Variants in DYRK1A observed in about 807,000 individuals in gnomAD.
The protein encoded by DYRK1A is dual specificity tyrosine phosphorylation regulated kinase 1A.
Under a neutral mutation model 79.7 loss-of-function variants are expected in DYRK1A, and 9 were observed. That is an observed-to-expected ratio of 0.11 (90% CI 0.07 to 0.20). The LOEUF is 0.20. Ranked by LOEUF, DYRK1A falls within the 10% of genes least tolerant of loss-of-function variation. The pLI is 1.00. For synonymous variants in DYRK1A, 349 were observed against 329.7 expected (o/e 1.06, Z -0.63); for missense variants, 622 against 956.0 (o/e 0.65, Z 4.61).
intron 1 of DYRK1A, among the ~76,000 whole-genome samples, chr21:37,382,409 C>T (rs2049675737): frequency 6.6e-6 from 1 of 151,888 alleles, no homozygotes; most frequent in Non-Finnish European, 1.5e-5. Context: ...TAAAGGAAAA[C>T]CTGGCTTGTG....
At position 37,389,588 on chromosome 21, in the gene DYRK1A, T is replaced by C. The variant is rs78414387; in HGVS notation, c.-77+21960T>C. Among the ~76,000 whole-genome samples the C allele has an allele frequency of 0.016, 2,447 of 152,318 alleles. 150 individuals are homozygous for C. In the East Asian group the frequency reaches 0.21, roughly 13 times the overall value. ...AGTTTCCTCTGGATTCCTGTTTCTC[T>C]GCTTGTTTTGGTTTCTTTCCTTGAT... On this transcript the variant is annotated intron_variant, in intron 1 of 11. Transcript: ENST00000647188.
intron 1 of DYRK1A, among the ~76,000 whole-genome samples, chr21:37,402,886 C>T (rs1261173316): frequency 1.3e-5 from 2 of 152,116 alleles, no homozygotes. Context: ...CCTTAGCCTC[C>T]CAAGTAGCTG....
In DYRK1A at chr21:37,426,486, C is replaced by T. The variant is rs564102900; in HGVS notation, c.10+6102C>T. Among the ~76,000 whole-genome samples the T allele has an allele frequency of 7.8e-4, 118 of 151,986 alleles. 1 individual carries two copies. The highest frequency in any genetic ancestry group is 1.5e-3 in the Non-Finnish European group (100 of 67,998). ...AGAAAATGATACAAACACTAAAGCA[C>T]AATGTAAATCTGAATAAGGAAAAAT... is the stretch of plus-strand genomic sequence containing the variant. On this transcript the variant is annotated intron_variant, in intron 2 of 11. Coordinates refer to ENST00000647188, the MANE Select transcript of DYRK1A (RefSeq NM_001347721.2).
chr21:37,525,865 G>A lies in DYRK1A; in HGVS notation c.*13334G>A, dbSNP rs141530703. ...ATTTAAGTTTTGAGCTCAGGACAAA[G>A]ATTGAAATTTTTCTGAATGAGAACT... On this transcript the variant is annotated 3_prime_UTR_variant, in exon 12 of 12. Transcript: ENST00000647188. The A allele has an allele frequency of 5.8e-4, 88 of 152,282 alleles. No individual in the cohort carries two copies. The highest frequency in any genetic ancestry group is 1.9e-3 in the African/African-American group (80 of 41,556). The allele number at this position is 152,282 out of a possible 1,614,324, so 9.4% of individuals were successfully genotyped here.
chr21:37,445,363 A>G lies in DYRK1A; in HGVS notation c.10+24979A>G, dbSNP rs553513380. The stretch of plus-strand genomic sequence containing the variant: ...TCTGTTAGATGCCAGGAGGTTTAAG[A>G]TGATGAGGAATGTTTCGGAAAATAA... On this transcript the variant is annotated intron_variant, in intron 2 of 11. Transcript: ENST00000647188. Among the ~76,000 whole-genome samples the G allele has an allele frequency of 4.6e-5, 7 of 152,332 alleles. No individual in the cohort carries two copies. In the South Asian group the frequency reaches 1.4e-3, roughly 32 times the overall value.
At chr21:37,378,558 T>G (rs2049594485) in intron 1 of DYRK1A, among the ~76,000 whole-genome samples, 1 of 152,138 alleles carries the variant, frequency 6.6e-6, no homozygotes, top group Non-Finnish European at 1.5e-5. Flanking sequence ...AAGTATTTTT[T>G]GGGTTCCCTT....
intron 2 of DYRK1A, among the ~76,000 whole-genome samples, chr21:37,471,354 A>G (rs2052218417): frequency 1.3e-5 from 2 of 152,176 alleles, no homozygotes; most frequent in Non-Finnish European, 1.5e-5. Flanking sequence ...TGTGGTGGAA[A>G]GTAGAGGTGG....
At position 37,525,670 on chromosome 21, in the gene DYRK1A, T is replaced by G. The variant is rs1447065405; in HGVS notation, c.*13139T>G. Reference sequence around the variant, plus strand: ...GTCAACAGATACTTTGTGAGAAATATTTGAATCTATCATGCATTATTGAAC... The same window carrying G: ...GTCAACAGATACTTTGTGAGAAATAGTTGAATCTATCATGCATTATTGAAC... On this transcript the variant is annotated 3_prime_UTR_variant, in exon 12 of 12. Coordinates refer to ENST00000647188, the MANE Select transcript of DYRK1A (RefSeq NM_001347721.2). 1.3e-5 allele frequency: 2 copies of G among 152,248 alleles called. No homozygotes were observed. The highest frequency in any genetic ancestry group is 4.8e-5 in the African/African-American group (2 of 41,466). 9.4% of individuals were successfully genotyped at this position (152,248 alleles called of 1,614,324 possible). A position where few individuals can be genotyped will look rare whatever the true frequency, so the allele number is the denominator to read the frequency against.
rs2053913442 is a variant in DYRK1A at position 37,519,479 on chromosome 21, G to C, written c.*6948G>C. On this transcript the variant is annotated 3_prime_UTR_variant, in exon 12 of 12. Transcript: ENST00000647188. ...AAGCACAATGCCTAGTATGTAGAAA[G>C]TGTCCGATAAATATAATATGCGGCT... 2 of 152,266 alleles carry C rather than the reference G, an allele frequency of 1.3e-5. No individual in the cohort carries two copies. Among genetic ancestry groups the C allele is most frequent in the South Asian group, 4.1e-4 (2 of 4,838 alleles). 9.4% of individuals were successfully genotyped at this position (152,266 alleles called of 1,614,324 possible).
At chr21:37,376,634 A>G (rs191661507) in intron 1 of DYRK1A, among the ~76,000 whole-genome samples, 1 of 152,214 alleles carries the variant, frequency 6.6e-6, no homozygotes, top group East Asian at 1.9e-4. Context: ...GAGTGTTGGT[A>G]ATGGCACTGT....
chr21:37,496,282 T>G (rs1420911216), intron 9 of DYRK1A, 24 bp downstream of exon 9: 6 of 1,585,696 alleles, frequency 3.8e-6, no homozygotes, highest in Middle Eastern at 1.7e-4. Context: ...ATATCTGTTT[T>G]GAGCCTTTAT....
chr21:37,406,608 A>C (rs963994699), intron 1 of DYRK1A, among the ~76,000 whole-genome samples: 1 of 151,998 alleles, frequency 6.6e-6, no homozygotes, highest in East Asian at 1.9e-4. Flanking sequence ...TGGCTGAGGC[A>C]TGAGAATTGC....
Position 37,517,275 on chromosome 21 carries a change from A to C in DYRK1A, c.*4744A>C, listed in dbSNP as rs1291149058. On this transcript the variant is annotated 3_prime_UTR_variant, in exon 12 of 12. Transcript: ENST00000647188. ...TGCAGGACAGAGGAAACAAGTGGAC[A>C]AGACAAGTGGAGCCCAGCTCTGTTC... The C allele has an allele frequency of 6.7e-6, 1 of 150,246 alleles. No individual in the cohort carries two copies. The highest frequency in any genetic ancestry group is 2.5e-5 in the African/African-American group (1 of 39,588). The allele number at this position is 150,246 out of a possible 1,614,324, so 9.3% of individuals were successfully genotyped here.
chr21:37,414,554 A>T (rs191936284), intron 1 of DYRK1A, among the ~76,000 whole-genome samples: 104 of 152,292 alleles, frequency 6.8e-4, no homozygotes, highest in African/African-American at 2.2e-3. Flanking sequence ...CAGTTCACTG[A>T]GGTCTTCTGG....
chr21:37,489,476 T>C (rs925562985), intron 6 of DYRK1A, among the ~76,000 whole-genome samples: 1 of 152,182 alleles, frequency 6.6e-6, no homozygotes, highest in African/African-American at 2.4e-5. Context: ...CAAGCCTCCT[T>C]ATCATCTCTT....
At position 37,512,437 on chromosome 21, in the gene DYRK1A, C is replaced by G. The variant is rs2053781938; in HGVS notation, c.2171C>G (p.Thr724Ser). 5 of 1,614,126 alleles carry G rather than the reference C, an allele frequency of 3.1e-6. No homozygotes were observed. The highest frequency in any genetic ancestry group is 4.2e-6 in the Non-Finnish European group (5 of 1,180,048). Residue 724 changes from threonine to serine, a missense_variant, in exon 12 of 12, where the codon ACT becomes AGT. Thr to Ser is a moderately conservative substitution (Grantham distance 58). This residue lies in a region of DYRK1A where 292 missense variants were observed against 316.7 expected (regional missense o/e 0.92). Coordinates refer to ENST00000647188, the MANE Select transcript of DYRK1A (RefSeq NM_001347721.2). Reference protein sequence around the residue: ...SANTGPAHYMTEGHLTMRQGA... With the variant: ...SANTGPAHYMSEGHLTMRQGA... ...AATACAGGTCCTGCACATTACATGA[C>G]TGAAGGACATCTGACAATGAGGCAA...
intron 3 of DYRK1A, among the ~76,000 whole-genome samples, chr21:37,477,966 G>A (rs1034011301): frequency 3.3e-5 from 5 of 152,174 alleles, no homozygotes; most frequent in East Asian, 3.8e-4. Context: ...GGCGGAATAG[G>A]ATCAAAGCCT....
chr21:37,513,591 A>G lies in DYRK1A; in HGVS notation c.*1060A>G, dbSNP rs1011474855. On this transcript the variant is annotated 3_prime_UTR_variant, in exon 12 of 12. Transcript: ENST00000647188. ...CTTATTGGTTGAAGGTCACAGAAGTAGTGGTTTGCTTTGATGGAAATAGCT... is the reference window on the plus strand; with the variant it reads ...CTTATTGGTTGAAGGTCACAGAAGTGGTGGTTTGCTTTGATGGAAATAGCT... 1 of 152,650 alleles carries G rather than the reference A, an allele frequency of 6.6e-6. No individual in the cohort carries two copies. Among genetic ancestry groups the G allele is most frequent in the African/African-American group, 2.4e-5 (1 of 41,456 alleles). 9.5% of individuals were successfully genotyped at this position (152,650 alleles called of 1,614,324 possible). A position where few individuals can be genotyped will look rare whatever the true frequency, so the allele number is the denominator to read the frequency against.
intron 2 of DYRK1A, among the ~76,000 whole-genome samples, chr21:37,448,547 T>C (rs184692890): frequency 1.3e-5 from 2 of 152,266 alleles, no homozygotes; most frequent in East Asian, 1.9e-4. Flanking sequence ...TGTGGGAAAA[T>C]AGGAAGGTTT....
Sources: allele counts gnomAD v4.1 joint callset (sites outside exome capture counted in the v4.1 genomes callset), GRCh38; gene constraint gnomAD v4.1.1; regional missense constraint gnomAD v4.1.1; transcripts MANE v1.5; gene names NCBI Gene and HGNC (gene_info 2026-07-23, HGNC 2026-07-21).